Variants in CNIH3 observed in about 807,000 individuals in gnomAD.
CNIH3 encodes the protein cornichon family AMPA receptor auxiliary protein 3.
A neutral mutation model predicts 24.1 loss-of-function variants in CNIH3; 14 were observed. The observed-to-expected ratio is 0.58, with a 90% CI of 0.38 to 0.91. The LOEUF is 0.91. Among genes scored for constraint, CNIH3 ranks in the 40% least tolerant of loss-of-function variants. CNIH3 has a pLI of 0.00. For missense variants in CNIH3, 178 were observed against 196.8 expected, an observed-to-expected ratio of 0.90 and a Z score of 0.57; for synonymous variants, 68 against 73.8, an observed-to-expected ratio of 0.92 and a Z score of 0.40.
intron 1 of CNIH3, among the ~76,000 whole-genome samples, chr1:224,453,215 G>T (rs553022443): frequency 4.7e-4 from 72 of 152,086 alleles, no homozygotes; most frequent in African/African-American, 1.7e-3. Context: ...CTGTCATCCA[G>T]GCTGGAGTGC....
At chr1:224,686,092 G>A (rs112010028) in intron 3 of CNIH3, among the ~76,000 whole-genome samples, 3 of 150,968 alleles carry the variant, frequency 2.0e-5, no homozygotes, top group Non-Finnish European at 4.4e-5. Flanking sequence ...GTGCCATGTT[G>A]GTGTGCTGCA....
At chr1:224,488,466 T>TGGG (rs60333116) in intron 1 of CNIH3, among the ~76,000 whole-genome samples, 1 of 134,648 alleles carries the variant, frequency 7.4e-6, no homozygotes, top group Non-Finnish European at 1.6e-5. Flanking sequence ...AATTTTTTTT[T>TGGG]GGGGGGTGGG....
downstream of CNIH3, among the ~76,000 whole-genome samples, chr1:224,591,956 T>G (rs1413517051): frequency 2.0e-5 from 3 of 152,162 alleles, no homozygotes; most frequent in Non-Finnish European, 4.4e-5. Flanking sequence ...CAACATAGAT[T>G]ATTAATAGCC....
At chr1:224,549,817 A>G (rs1189494125) in intron 3 of CNIH3, among the ~76,000 whole-genome samples, 1 of 152,122 alleles carries the variant, frequency 6.6e-6, no homozygotes, top group Non-Finnish European at 1.5e-5. Context: ...TACATTTACA[A>G]TTACAAATAC....
intron 1 of CNIH3, among the ~76,000 whole-genome samples, chr1:224,638,429 A>G (rs1684198686): frequency 1.3e-5 from 2 of 152,130 alleles, no homozygotes; most frequent in Admixed American, 6.5e-5. Flanking sequence ...GCATCCTGAC[A>G]GGTGGATTCT....
intron 2 of CNIH3, among the ~76,000 whole-genome samples, chr1:224,526,972 A>G (rs886968418): frequency 6.6e-6 from 1 of 152,210 alleles, no homozygotes; most frequent in Non-Finnish European, 1.5e-5. Flanking sequence ...GCACTAAGCC[A>G]TTCATGAGGG....
intron 3 of CNIH3, among the ~76,000 whole-genome samples, chr1:224,690,849 A>G (rs754423402): frequency 2.0e-4 from 31 of 152,270 alleles, no homozygotes; most frequent in Middle Eastern, 3.4e-3. Flanking sequence ...CTCCAGGTAT[A>G]GTACCGGAAA....
chr1:224,437,611 T>C (rs576379583), intron 1 of CNIH3, among the ~76,000 whole-genome samples: 1 of 152,312 alleles, frequency 6.6e-6, no homozygotes, highest in Admixed American at 6.5e-5. Context: ...CATTTGTAAG[T>C]CATGGAATCC....
At chr1:224,448,995 G>A (rs1304021120) in intron 1 of CNIH3, among the ~76,000 whole-genome samples, 3 of 133,098 alleles carry the variant, frequency 2.3e-5, no homozygotes, top group African/African-American at 2.9e-5. Flanking sequence ...ATGGAGTTTC[G>A]TTCTTTTTGC....
intron 3 of CNIH3, among the ~76,000 whole-genome samples, chr1:224,693,753 G>T (rs1409230719): frequency 6.6e-6 from 1 of 152,234 alleles, no homozygotes; most frequent in African/African-American, 2.4e-5. Context: ...TCCTATGCTA[G>T]GATCGTATCA....
intron 4 of CNIH3, among the ~76,000 whole-genome samples, chr1:224,575,785 A>G: frequency 6.6e-6 from 1 of 152,154 alleles, no homozygotes; most frequent in East Asian, 1.9e-4. Flanking sequence ...AAAATTACGA[A>G]GATCTATAAA....
intron 1 of CNIH3, among the ~76,000 whole-genome samples, chr1:224,463,772 CATTTT>C (rs1248437511): frequency 5.4e-4 from 41 of 75,974 alleles, no homozygotes; most frequent in East Asian, 1.7e-3. Flanking sequence ...GAATTGTCCT[CATTTT>C]TTTTTTTTTT....
At chr1:224,619,513 T>C (rs1683181082) in intron 1 of CNIH3, among the ~76,000 whole-genome samples, 1 of 152,244 alleles carries the variant, frequency 6.6e-6, no homozygotes, top group Admixed American at 6.5e-5. Flanking sequence ...TTTCCTTCTC[T>C]ATCCCTTTCC....
intron 1 of CNIH3, among the ~76,000 whole-genome samples, chr1:224,635,171 C>T (rs58158731): frequency 1.3e-5 from 2 of 151,546 alleles, no homozygotes; most frequent in Non-Finnish European, 2.9e-5. Context: ...TGGCGGGGGT[C>T]GGGGGGAACT....
At chr1:224,540,051 G>A (rs712084), downstream of CNIH3, among the ~76,000 whole-genome samples, 34,641 of 152,084 alleles carry the variant, frequency 0.23, 4,335 homozygotes, top group South Asian at 0.35. Context: ...AGCACACAAC[G>A]TGGGTAATTG....
At chr1:224,566,031 G>GT (rs11299803) in intron 3 of CNIH3, among the ~76,000 whole-genome samples, 135 of 146,662 alleles carry the variant, frequency 9.2e-4, no homozygotes, top group African/African-American at 1.6e-3. Flanking sequence ...CTGGCTTTCT[G>GT]TTTTTTTTTT....
rs749069131 is a variant in CNIH3 at position 224,684,872 on chromosome 1, G to T, written c.198+29G>T. 3 of 1,608,436 alleles carry T rather than the reference G, an allele frequency of 1.9e-6. No homozygotes were observed. In the South Asian group the frequency reaches 3.3e-5, roughly 18 times the overall value. ...AGTGTGGCAGCTTCATGCCGAGGAT[G>T]GAGGATCGCATGGTGGTGGGTGGGC... On this transcript the variant is annotated intron_variant, in intron 3 of 5. Coordinates refer to ENST00000272133, the MANE Select transcript of CNIH3 (RefSeq NM_152495.2). The surrounding 1 kb of genome is among the most constrained non-coding windows in gnomAD (Gnocchi z 4.2).
intron 5 of CNIH3, among the ~76,000 whole-genome samples, chr1:224,739,054 T>C (rs972845466): frequency 6.6e-6 from 1 of 152,092 alleles, no homozygotes; most frequent in Non-Finnish European, 1.5e-5. Context: ...ATAATCATCA[T>C]CCTGATGAGA....
intron 1 of CNIH3, among the ~76,000 whole-genome samples, chr1:224,505,020 C>CCCTT (rs1313833448): frequency 1.4e-4 from 15 of 105,952 alleles, no homozygotes; most frequent in Admixed American, 3.0e-4. Context: ...CTCCCTCCCT[C>CCCTT]CCTCCCTCCC....
Sources: gnomAD v4.1 joint callset for allele counts (sites outside exome capture counted in the v4.1 genomes callset) on GRCh38, gnomAD v4.1.1 for gene constraint, Gnocchi (gnomAD v3.1) non-coding constraint, MANE v1.5 for transcripts, NCBI Gene and HGNC (gene_info 2026-07-23, HGNC 2026-07-21) for gene names.